GLI3: variants seen among roughly 807,000 people sequenced by gnomAD.
GLI3 encodes transcription activator GLI3.
GLI3 carries 20 observed loss-of-function variants against 100.8 expected under a neutral mutation model. The ratio of observed to expected loss-of-function variants is 0.20; its 90% CI spans 0.14 to 0.29. The LOEUF (loss-of-function observed/expected upper bound fraction) is 0.29, where lower values mean the gene tolerates loss of function less well. Among genes scored for constraint, GLI3 ranks in the 10% least tolerant of loss-of-function variants. The pLI, the probability that GLI3 is intolerant of heterozygous loss-of-function variation, is 1.00. For missense variants in GLI3, 2,040 were observed against 2,128.5 expected, an observed-to-expected ratio of 0.96 and a Z score of 0.82; for synonymous variants, 938 against 860.5, an observed-to-expected ratio of 1.09 and a Z score of -1.58.
chr7:42,094,054 C>T (rs1336289165), intron 3 of GLI3, among the ~76,000 whole-genome samples: 2 of 151,946 alleles, frequency 1.3e-5, no homozygotes, highest in Non-Finnish European at 2.9e-5. Context: ...GAGGCCAGTG[C>T]CCAAGAAGGG....
At chr7:42,104,052 G>A (rs1428649154) in intron 3 of GLI3, among the ~76,000 whole-genome samples, 1 of 152,116 alleles carries the variant, frequency 6.6e-6, no homozygotes, top group Non-Finnish European at 1.5e-5. Context: ...CTCTGAGGAC[G>A]ATGTGCTTTG....
In GLI3 at chr7:42,202,556, G is replaced by A. The variant is rs141578963; in HGVS notation, c.124+20574C>T. Among the ~76,000 whole-genome samples, 6 of 152,284 alleles carry A rather than the reference G, an allele frequency of 3.9e-5. No individual in the cohort carries two copies. The South Asian group carries it at 1.0e-3, about 26-fold the overall frequency. On this transcript the variant is annotated intron_variant, in intron 2 of 14. Transcript: ENST00000395925. ...ATGATCAGGTAGCATCACTAAGAAC[G>A]AAGGCAAGGTTATGGGTTTCATGTC...
chr7:42,107,427 G>A (rs985452620), intron 3 of GLI3, among the ~76,000 whole-genome samples: 22 of 152,198 alleles, frequency 1.4e-4, no homozygotes, highest in African/African-American at 4.8e-4. Flanking sequence ...ACAGAAGCAC[G>A]GAGTGTATTC....
intron 1 of GLI3, among the ~76,000 whole-genome samples, chr7:42,229,044 A>AACAC (rs1260389795): frequency 3.3e-5 from 5 of 152,194 alleles, no homozygotes; most frequent in African/African-American, 1.2e-4. Context: ...AAACACTAAA[A>AACAC]TGTTTAAAAA....
intron 7 of GLI3, among the ~76,000 whole-genome samples, chr7:42,027,282 A>G (rs846288): frequency 0.51 from 77,276 of 152,048 alleles, 21,013 homozygotes; most frequent in African/African-American, 0.72. Context: ...AGTGTTCTTA[A>G]GGAATTTGCC....
rs142725437 is a variant in GLI3 at position 41,970,433 on chromosome 7, T to C, written c.2103+1904A>G. Among the ~76,000 whole-genome samples, 3 of 152,274 alleles carry C rather than the reference T, an allele frequency of 2.0e-5. No individual in the cohort carries two copies. The East Asian group carries it at 5.8e-4, about 29-fold the overall frequency. ...TTATTAACCTCACTAAGCCTCAGCT[T>C]CCTCAAAATATGGGCATAGTCTTGA... On this transcript the variant is annotated intron_variant, in intron 13 of 14. Transcript: ENST00000395925.
At chr7:41,970,116 A>T (rs1787327316) in intron 13 of GLI3, among the ~76,000 whole-genome samples, 1 of 152,206 alleles carries the variant, frequency 6.6e-6, no homozygotes, top group Admixed American at 6.5e-5. Flanking sequence ...TAAAAAAATG[A>T]AAACAAAACA....
At chr7:41,968,689 GA>G (rs1787255881) in intron 13 of GLI3, among the ~76,000 whole-genome samples, 2 of 54,616 alleles carry the variant, frequency 3.7e-5, no homozygotes, top group Admixed American at 5.0e-4. Flanking sequence ...AAAGAAAGAA[GA>G]AAGAAAGAAA....
At chr7:42,207,087 C>T (rs955771852) in intron 2 of GLI3, among the ~76,000 whole-genome samples, 6 of 152,136 alleles carry the variant, frequency 3.9e-5, no homozygotes, top group Non-Finnish European at 7.3e-5. Flanking sequence ...GTCTATACAA[C>T]CCCTTGGGAA....
chr7:42,243,174 A>T (rs1451878641), intron 1 of GLI3, among the ~76,000 whole-genome samples: 1 of 151,966 alleles, frequency 6.6e-6, no homozygotes, highest in Non-Finnish European at 1.5e-5. Context: ...CACCAAAGAG[A>T]CTCCTAGCAA....
chr7:42,091,622 T>C (rs999742792), intron 3 of GLI3, among the ~76,000 whole-genome samples: 1 of 152,210 alleles, frequency 6.6e-6, no homozygotes, highest in African/African-American at 2.4e-5. Context: ...CCTCTACACA[T>C]ATATAAATCA....
At chr7:42,026,134 C>T (rs542093929) in intron 8 of GLI3, 65 bp downstream of exon 8, 48 of 1,019,310 alleles carry the variant, frequency 4.7e-5, no homozygotes, top group African/African-American at 3.6e-4. Flanking sequence ...TAACAGCTGA[C>T]GTGGTGGCCT....
rs1209242393 is a variant in GLI3 at position 41,963,847 on chromosome 7, CA to C, written c.*482del. 1 of 160,654 alleles carries C rather than the reference CA, an allele frequency of 6.2e-6. No homozygotes were observed. Among genetic ancestry groups the C allele is most frequent in the Admixed American group, 5.9e-5 (1 of 16,976 alleles). The allele number at this position is 160,654 out of a possible 1,614,324, so 10.0% of individuals were successfully genotyped here. A position where few individuals can be genotyped will look rare whatever the true frequency, so the allele number is the denominator to read the frequency against. ...CCAATGTGGGAATTAAAATAAAAAA[CA>C]GAAACCAAAACACAAAACAAAACAC... On this transcript the variant is annotated 3_prime_UTR_variant, in exon 15 of 15. Transcript: ENST00000395925.
intron 10 of GLI3, among the ~76,000 whole-genome samples, chr7:41,996,941 T>C (rs1445030196): frequency 1.3e-5 from 2 of 152,322 alleles, no homozygotes; most frequent in Non-Finnish European, 1.5e-5. Context: ...GCTCTGTGAA[T>C]GCAGTGTTTT....
At chr7:42,192,903 G>C (rs932449673) in intron 2 of GLI3, among the ~76,000 whole-genome samples, 1 of 152,150 alleles carries the variant, frequency 6.6e-6, no homozygotes, top group Admixed American at 6.5e-5. Flanking sequence ...AACAGGCAAC[G>C]AGAACCAGCA....
At chr7:42,194,757 CTCT>C (rs1562781361) in intron 2 of GLI3, among the ~76,000 whole-genome samples, 5 of 81,836 alleles carry the variant, frequency 6.1e-5, no homozygotes, top group Non-Finnish European at 4.8e-5. Context: ...CTCTCTCTGT[CTCT>C]TTTTTTTTTT....
intron 2 of GLI3, among the ~76,000 whole-genome samples, chr7:42,163,395 G>A (rs931342690): frequency 2.0e-5 from 3 of 151,446 alleles, no homozygotes; most frequent in African/African-American, 2.4e-5. Flanking sequence ...TGAATTCAAC[G>A]CTGCCTCTAT....
intron 4 of GLI3, among the ~76,000 whole-genome samples, chr7:42,072,370 A>G (rs768554196): frequency 2.0e-5 from 3 of 152,240 alleles, no homozygotes; most frequent in Non-Finnish European, 2.9e-5. Context: ...ATCCAAAATG[A>G]ATGAAATCAA....
intron 2 of GLI3, among the ~76,000 whole-genome samples, chr7:42,186,371 G>A (rs976558327): frequency 6.6e-6 from 1 of 152,140 alleles, no homozygotes; most frequent in African/African-American, 2.4e-5. Flanking sequence ...GGCCAGCACC[G>A]TGCCTGGCGT....
Sources: gnomAD v4.1 joint callset for allele counts (sites outside exome capture counted in the v4.1 genomes callset) on GRCh38, gnomAD v4.1.1 for gene constraint, MANE v1.5 for transcripts, NCBI Gene and HGNC (gene_info 2026-07-23, HGNC 2026-07-21) for gene names.